CRAT: variants seen among roughly 807,000 people sequenced by gnomAD.
CRAT encodes the protein carnitine acetylase.
In CRAT, 66 loss-of-function variants were observed where a neutral mutation model predicts 73.7. The observed-to-expected ratio is 0.90, with a 90% confidence interval of 0.73 to 1.10. The LOEUF is 1.10. Among genes scored for constraint, CRAT ranks in the 50% least tolerant of loss-of-function variants. CRAT has a pLI of 0.00. For missense variants in CRAT, 745 were observed against 846.9 expected (o/e 0.88, Z 1.49); for synonymous variants, 321 against 343.2 (o/e 0.94, Z 0.71).
At chr9:129,097,115 G>A (rs1847325554) in intron 12 of CRAT, 135 bp downstream of exon 12, 2 of 668,716 alleles carry the variant, frequency 3.0e-6, no homozygotes, top group South Asian at 4.6e-5. Flanking sequence ...CCTGGCTCCA[G>A]GTGCTCCCAG....
Position 129,099,891 on chromosome 9 carries a change from G to T in CRAT, c.1060C>A (p.Leu354Ile), listed in dbSNP as rs1353547265. The T allele has an allele frequency of 4.3e-6, 7 of 1,613,774 alleles. No homozygotes were observed. The highest frequency in any genetic ancestry group is 1.6e-4 in the Middle Eastern group (1 of 6,062). ...GTGTACTCGATGACATAGTCCAGAAGGGTGACAATAGGGGGCCCCTCCGCT... is the reference window on the plus strand; with the variant it reads ...GTGTACTCGATGACATAGTCCAGAATGGTGACAATAGGGGGCCCCTCCGCT... ...AAAEGPPIVT[L>I]LDYVIEYTKK... The change falls in exon 8 of 14, where the codon CTT becomes ATT. Residue 354 changes from leucine to isoleucine, a missense_variant. Transcript: ENST00000318080.
chr9:129,109,318 AGGC>A, intron 1 of CRAT: 1 of 1,290,082 alleles, frequency 7.8e-7, no homozygotes, highest in Non-Finnish European at 1.0e-6. Flanking sequence ...CACCAGGAAA[AGGC>A]CATCAGTGGA....
intron 9 of CRAT, 61 bp from the exon 10 acceptor site, chr9:129,098,432 A>G: frequency 1.2e-6 from 2 of 1,603,942 alleles, no homozygotes; most frequent in Non-Finnish European, 1.7e-6. Flanking sequence ...AACCCCACGG[A>G]GGGTCTGGGT....
At chr9:129,099,728 AT>A in intron 8 of CRAT, 137 bp downstream of exon 8, 2 of 631,584 alleles carry the variant, frequency 3.2e-6, no homozygotes, top group Non-Finnish European at 5.3e-6. Flanking sequence ...GAGCCACCAT[AT>A]CTGGCTGGCT....
intron 6 of CRAT, among the ~76,000 whole-genome samples, chr9:129,100,908 A>G (rs1422921830): frequency 6.6e-6 from 1 of 151,972 alleles, no homozygotes; most frequent in Non-Finnish European, 1.5e-5. Context: ...GGCCCACAGC[A>G]CTCCTCGAGG....
intron 5 of CRAT, 135 bp from the exon 6 acceptor site, chr9:129,102,192 G>A: frequency 2.5e-6 from 3 of 1,178,580 alleles, no homozygotes; most frequent in Non-Finnish European, 2.4e-6. Context: ...GAGAGGGGGA[G>A]GAGGTCCTTG....
chr9:129,095,146 C>T lies in CRAT; in HGVS notation c.*251G>A, dbSNP rs886512645. ...ACCGGTGGAGGACGTGCCAGGGGCCCGGGCCTAACGTCCTGCTCAGCCTCT... is the reference window on the plus strand; with the variant it reads ...ACCGGTGGAGGACGTGCCAGGGGCCTGGGCCTAACGTCCTGCTCAGCCTCT... On this transcript the variant is annotated 3_prime_UTR_variant, in exon 14 of 14. Transcript: ENST00000318080. 8 of 554,878 alleles carry T rather than the reference C, an allele frequency of 1.4e-5. No homozygotes were observed. The highest frequency in any genetic ancestry group is 6.3e-5 in the Admixed American group (2 of 31,732). The allele number at this position is 554,878 out of a possible 1,614,324, so 34.4% of individuals were successfully genotyped here.
At chr9:129,100,451 C>T (rs10819462) in intron 7 of CRAT, 60 bp downstream of exon 7, 1,016,021 of 1,528,200 alleles carry the variant, frequency 0.66, 343,454 homozygotes, top group Non-Finnish European at 0.69. Flanking sequence ...CAGGAAGTCC[C>T]GAGGCTGCAG....
rs1847803332 is a variant in CRAT, at chr9:129,103,257, T to C, written c.411-191A>G. ...CCTGTGTGTGCTTCTTCATAACCTC[T>C]AGAGGGAGCATGGTCGGGAGGGCTC... On this transcript the variant is annotated intron_variant, in intron 3 of 13. Transcript: ENST00000318080. The surrounding 1 kb of genome is among the most constrained non-coding windows in gnomAD (Gnocchi z 4.6). Among the ~76,000 whole-genome samples, 1 of 151,970 alleles carries C rather than the reference T, an allele frequency of 6.6e-6. No individual in the cohort carries two copies. The highest frequency in any genetic ancestry group is 1.5e-5 in the Non-Finnish European group (1 of 67,972).
rs779221663 is a variant in CRAT at position 129,102,445 on chromosome 9, C to A, written c.585G>T (p.Lys195Asn). 1.2e-6 allele frequency: 2 copies of A among 1,614,198 alleles called. No homozygotes were observed. The highest frequency in any genetic ancestry group is 1.7e-6 in the Non-Finnish European group (2 of 1,180,016). Residue 195 changes from lysine to asparagine, a missense_variant, in exon 5 of 14, where the codon AAG becomes AAT. By Grantham distance (94) the Lys-to-Asn change is moderately conservative. Transcript: ENST00000318080. ...TGATGTGCGTGGGAGGCTTCTTGGT[C>A]TTGCTGAAGTTGCTGACTGTGTCCT... is the stretch of plus-strand genomic sequence containing the variant. ...PKQDTVSNFSKTKKPPTHITV... is the reference protein window; with the variant it reads ...PKQDTVSNFSNTKKPPTHITV...
At chr9:129,109,910 G>A (rs1848293387) in intron 1 of CRAT, among the ~76,000 whole-genome samples, 1 of 151,000 alleles carries the variant, frequency 6.6e-6, no homozygotes, top group Non-Finnish European at 1.5e-5. Flanking sequence ...GGGTGGGGAA[G>A]GGGGCTGGAG....
chr9:129,109,299 G>C, intron 1 of CRAT: 9 of 1,302,698 alleles, frequency 6.9e-6, no homozygotes, highest in Non-Finnish European at 8.1e-6. Flanking sequence ...GTTGGTGCAA[G>C]GGAGCAGACA....
At chr9:129,104,140 A>G (rs757308435) in intron 3 of CRAT, 48 bp downstream of exon 3, 2 of 1,439,320 alleles carry the variant, frequency 1.4e-6, no homozygotes, top group Non-Finnish European at 1.9e-6. Context: ...GGCGAAGTGA[A>G]CTCGAGGGGC....
chr9:129,101,869 C>A lies in CRAT; in HGVS notation c.805+14G>T. On this transcript the variant is annotated intron_variant, in intron 6 of 13. Coordinates refer to ENST00000318080, the MANE Select transcript of CRAT (RefSeq NM_000755.5). ...GCCTGGGTGTGCAGCCCCAGCACGGCCCCCAAGAGGCACCTTTGATGAGGG... is the reference window on the plus strand; with the variant it reads ...GCCTGGGTGTGCAGCCCCAGCACGGACCCCAAGAGGCACCTTTGATGAGGG... 1 of 1,611,962 alleles carries A rather than the reference C, an allele frequency of 6.2e-7. No homozygotes were observed. Among genetic ancestry groups the A allele is most frequent in the Non-Finnish European group, 8.5e-7 (1 of 1,179,078 alleles).
chr9:129,104,427 T>C, intron 2 of CRAT, 121 bp from the exon 3 acceptor site: 1 of 707,512 alleles, frequency 1.4e-6, no homozygotes. Flanking sequence ...ATTCTCAAAG[T>C]AAATGCCTAG....
intron 1 of CRAT, chr9:129,108,857 AC>A: frequency 7.7e-7 from 1 of 1,303,932 alleles, no homozygotes; most frequent in South Asian, 1.2e-5. Context: ...TAACTGTGCT[AC>A]AAAGTGAGTG....
intron 8 of CRAT, 58 bp from the exon 9 acceptor site, chr9:129,098,708 C>T (rs1362086435): frequency 3.9e-6 from 6 of 1,554,138 alleles, no homozygotes; most frequent in Non-Finnish European, 5.2e-6. Flanking sequence ...TGGGTCCATT[C>T]TGGGACCAGG....
intron 8 of CRAT, 53 bp downstream of exon 8, chr9:129,099,813 G>T: frequency 7.2e-7 from 1 of 1,382,568 alleles, no homozygotes; most frequent in Non-Finnish European, 1.0e-6. Flanking sequence ...TCACCTGTGT[G>T]TCACCTGTCA....
rs1848004222 is a variant in CRAT at position 129,106,188 on chromosome 9, C to T, written c.291+1626G>A. ...GGAGGCAACTTGTCCCCAAGTTGTACAACAGGTGACTGGTAGCCCCTAAGA... is the reference window on the plus strand; with the variant it reads ...GGAGGCAACTTGTCCCCAAGTTGTATAACAGGTGACTGGTAGCCCCTAAGA... On this transcript the variant is annotated intron_variant, in intron 2 of 13. Coordinates refer to ENST00000318080, the MANE Select transcript of CRAT (RefSeq NM_000755.5). The surrounding 1 kb of genome is among the most constrained non-coding windows in gnomAD (Gnocchi z 4.0). Among the ~76,000 whole-genome samples the T allele has an allele frequency of 6.6e-6, 1 of 152,176 alleles. No homozygotes were observed. Among genetic ancestry groups the T allele is most frequent in the South Asian group, 2.1e-4 (1 of 4,834 alleles).
Sources: allele counts gnomAD v4.1 joint callset (sites outside exome capture counted in the v4.1 genomes callset), GRCh38; gene constraint gnomAD v4.1.1; non-coding constraint Gnocchi (gnomAD v3.1); transcripts MANE v1.5; gene names NCBI Gene and HGNC (gene_info 2026-07-23, HGNC 2026-07-21).